Variants in ITGBL1 observed in about 807,000 individuals in gnomAD.
ITGBL1 encodes the protein integrin beta-like protein 1.
A neutral mutation model predicts 68.5 loss-of-function variants in ITGBL1; 51 were observed. That is an observed-to-expected ratio of 0.74 (90% CI 0.59 to 0.94). ITGBL1 has a LOEUF of 0.94. Ranked by LOEUF, ITGBL1 falls within the 40% of genes least tolerant of loss-of-function variation. The probability of loss-of-function intolerance (pLI) is 0.00; values close to 1 mark genes in which losing one functional copy is unlikely to be tolerated. For missense variants in ITGBL1, 649 were observed against 647.4 expected (o/e 1.00, Z -0.03); for synonymous variants, 209 against 227.3 (o/e 0.92, Z 0.72).
chr13:101,630,071 A>C (rs1364833042), intron 7 of ITGBL1, among the ~76,000 whole-genome samples: 5 of 151,994 alleles, frequency 3.3e-5, no homozygotes, highest in Non-Finnish European at 7.4e-5. Context: ...ATCCACCCAC[A>C]TTGGCCTCCC....
intron 2 of ITGBL1, among the ~76,000 whole-genome samples, chr13:101,503,408 A>C (rs1469486242): frequency 6.6e-6 from 1 of 152,180 alleles, no homozygotes; most frequent in Non-Finnish European, 1.5e-5. Flanking sequence ...TTGAAGAATC[A>C]GACTCCAGGA....
At chr13:101,671,119 G>A (rs1169293677) in intron 7 of ITGBL1, among the ~76,000 whole-genome samples, 1 of 152,034 alleles carries the variant, frequency 6.6e-6, no homozygotes, top group Non-Finnish European at 1.5e-5. Flanking sequence ...TGTGCATTCA[G>A]ATGCCTAGAA....
At chr13:101,533,457 C>G (rs969568480) in intron 2 of ITGBL1, among the ~76,000 whole-genome samples, 16 of 152,216 alleles carry the variant, frequency 1.1e-4, no homozygotes, top group African/African-American at 3.9e-4. Flanking sequence ...TAGAAGCAGA[C>G]TTAAAACTGT....
At chr13:101,682,284 C>A (rs761568652) in intron 7 of ITGBL1, among the ~76,000 whole-genome samples, 35 of 152,096 alleles carry the variant, frequency 2.3e-4, no homozygotes, top group Non-Finnish European at 3.5e-4. Flanking sequence ...TACTCTTTTT[C>A]ATTTTGTCTT....
chr13:101,706,688 CT>C, intron 8 of ITGBL1, 67 bp from the exon 9 acceptor site: 1 of 1,510,838 alleles, frequency 6.6e-7, no homozygotes, highest in Non-Finnish European at 9.0e-7. Flanking sequence ...ACATTTCTTT[CT>C]TAAAACTCTC....
intron 6 of ITGBL1, among the ~76,000 whole-genome samples, chr13:101,593,726 A>T (rs887026980): frequency 6.6e-6 from 1 of 152,122 alleles, no homozygotes; most frequent in Admixed American, 6.6e-5. Flanking sequence ...TCATAGAAGC[A>T]GAGAGTTTAA....
At chr13:101,583,078 CT>C (rs1377282615) in intron 5 of ITGBL1, 137 bp from the exon 6 acceptor site, 25 of 768,116 alleles carry the variant, frequency 3.3e-5, no homozygotes, top group Non-Finnish European at 4.2e-5. Context: ...GGTGTTTTTC[CT>C]TTTTAGAATA....
At chr13:101,563,755 C>G (rs1237933105) in intron 2 of ITGBL1, among the ~76,000 whole-genome samples, 2 of 151,792 alleles carry the variant, frequency 1.3e-5, no homozygotes, top group Non-Finnish European at 2.9e-5. Flanking sequence ...CTACCTCTTC[C>G]AAAAACTAGG....
chr13:101,631,395 T>C (rs1453134098), intron 7 of ITGBL1, among the ~76,000 whole-genome samples: 2 of 151,750 alleles, frequency 1.3e-5, no homozygotes, highest in Non-Finnish European at 2.9e-5. Context: ...TTTTTTGCAA[T>C]GTAAAAATGA....
chr13:101,601,046 C>T (rs1163943967), intron 7 of ITGBL1, among the ~76,000 whole-genome samples: 12 of 152,232 alleles, frequency 7.9e-5, no homozygotes, highest in Admixed American at 5.9e-4. Context: ...TGGTAGAATT[C>T]GGCTGTGAAT....
intron 2 of ITGBL1, chr13:101,490,072 C>T (rs1289564167): frequency 8.4e-6 from 8 of 955,850 alleles, no homozygotes; most frequent in Admixed American, 2.1e-5. Flanking sequence ...CCCCAAAATT[C>T]TGTGTTGAAA....
At chr13:101,717,125 T>G (rs1369637032), downstream of ITGBL1, 3 of 152,166 alleles carry the variant, frequency 2.0e-5, no homozygotes, top group Non-Finnish European at 4.4e-5. Flanking sequence ...AATTTTATTT[T>G]AATGATGTAA....
intron 2 of ITGBL1, among the ~76,000 whole-genome samples, chr13:101,463,303 C>A (rs1331435639): frequency 1.3e-5 from 2 of 152,112 alleles, no homozygotes; most frequent in African/African-American, 4.8e-5. Flanking sequence ...AACAAGCTTG[C>A]CTACTCTATA....
At chr13:101,490,193 G>C (rs1832830146) in intron 2 of ITGBL1, among the ~76,000 whole-genome samples, 1 of 152,114 alleles carries the variant, frequency 6.6e-6, no homozygotes, top group Non-Finnish European at 1.5e-5. Flanking sequence ...CTTTATAAGA[G>C]AAGGAAGGAA....
intron 7 of ITGBL1, among the ~76,000 whole-genome samples, chr13:101,634,637 C>A (rs2032104686): frequency 6.6e-6 from 1 of 152,102 alleles, no homozygotes; most frequent in Admixed American, 6.6e-5. Context: ...TACGTTTTTA[C>A]AGTGGACCTA....
chr13:101,684,395 A>G (rs187781031), intron 7 of ITGBL1, among the ~76,000 whole-genome samples: 10 of 152,030 alleles, frequency 6.6e-5, no homozygotes, highest in African/African-American at 2.2e-4. Flanking sequence ...AAATCCTGAT[A>G]AGATTTTGGT....
chr13:101,541,415 G>A (rs146541321), intron 2 of ITGBL1, among the ~76,000 whole-genome samples: 11 of 152,230 alleles, frequency 7.2e-5, no homozygotes, highest in African/African-American at 2.6e-4. Context: ...ACTTGATCAC[G>A]GTGGATAAGC....
At chr13:101,547,747 TGATA>T (rs1436947253) in intron 2 of ITGBL1, among the ~76,000 whole-genome samples, 2 of 151,816 alleles carry the variant, frequency 1.3e-5, no homozygotes, top group African/African-American at 4.8e-5. Flanking sequence ...ATGTTTGACG[TGATA>T]GATCTGCATT....
At chr13:101,714,259 G>C (rs1378924625) in intron 9 of ITGBL1, 179 bp from the exon 10 acceptor site, 1 of 596,444 alleles carries the variant, frequency 1.7e-6, no homozygotes, top group East Asian at 2.8e-5. Flanking sequence ...GCTTTCCTGG[G>C]TGACCTTTAT....
Sources: allele counts gnomAD v4.1 joint callset (sites outside exome capture counted in the v4.1 genomes callset), GRCh38; gene constraint gnomAD v4.1.1; transcripts MANE v1.5; gene names NCBI Gene and HGNC (gene_info 2026-07-23, HGNC 2026-07-21).